The following OR2L5 variants were observed in gnomAD, a reference collection of about 807,000 sequenced individuals.
OR2L5 encodes the protein olfactory receptor 2L5.
For missense variants in OR2L5, 413 were observed against 381.6 expected, an observed-to-expected ratio of 1.08 and a Z score of -0.69; for synonymous variants, 169 against 142.0, an observed-to-expected ratio of 1.19 and a Z score of -1.35.
chr1:248,020,408 C>A (rs1662308086), intron 1 of OR2L5, among the ~76,000 whole-genome samples: 1 of 152,136 alleles, frequency 6.6e-6, no homozygotes, highest in Admixed American at 6.5e-5. Flanking sequence ...TTACATAAAT[C>A]AGCAGTTCTA....
At position 248,018,167 on chromosome 1, in the gene OR2L5, A is replaced by C. The variant is rs551506021; in HGVS notation, c.-21-3760A>C. Among the ~76,000 whole-genome samples, 109 of 151,068 alleles carry C rather than the reference A, an allele frequency of 7.2e-4. 1 individual carries two copies. Among genetic ancestry groups the C allele is most frequent in the African/African-American group, 2.6e-3 (107 of 40,446 alleles). On this transcript the variant is annotated intron_variant, in intron 1 of 1. Transcript: ENST00000355281. The stretch of plus-strand genomic sequence containing the variant: ...GACTCCATCTCAAAAAAATAAAAAA[A>C]AAAATTCGTTATTTTTCTTTTTTAA...
At chr1:248,015,415 T>A (rs536185504) in intron 1 of OR2L5, among the ~76,000 whole-genome samples, 2 of 152,236 alleles carry the variant, frequency 1.3e-5, no homozygotes, top group African/African-American at 4.8e-5. Flanking sequence ...ACAAGTGTTG[T>A]CAATGTGAAA....
rs1279833425 is a variant in OR2L5 at position 248,022,744 on chromosome 1, C to A, written c.797C>A (p.Ser266Tyr). 7 of 1,614,036 alleles carry A rather than the reference C, an allele frequency of 4.3e-6. No individual in the cohort carries two copies. The highest frequency in any genetic ancestry group is 5.1e-6 in the Non-Finnish European group (6 of 1,180,030). ...YTYLCPRSLR[S>Y]LTEDKVLAVF... Reference sequence around the variant, plus strand: ...TATCTATGTCCAAGATCCCTGCGATCTCTGACAGAGGACAAGGTTCTGGCT... The same window carrying A: ...TATCTATGTCCAAGATCCCTGCGATATCTGACAGAGGACAAGGTTCTGGCT... The change falls in exon 2 of 2, where the codon TCT (serine) becomes TAT (tyrosine). Residue 266 changes from serine (S) to tyrosine (Y), a missense_variant. By Grantham distance (144) the Ser-to-Tyr change is moderately radical. Coordinates refer to ENST00000355281, the MANE Select transcript of OR2L5 (RefSeq NM_001258284.2).
chr1:248,017,524 A>T (rs1662227114), intron 1 of OR2L5, among the ~76,000 whole-genome samples: 1 of 152,184 alleles, frequency 6.6e-6, no homozygotes, highest in South Asian at 2.1e-4. Context: ...GTAGAAAGAG[A>T]CTTTTTCTTC....
At chr1:248,017,438 G>T (rs371430008) in intron 1 of OR2L5, among the ~76,000 whole-genome samples, 1 of 152,168 alleles carries the variant, frequency 6.6e-6, no homozygotes, top group Admixed American at 6.5e-5. Context: ...TGGTGTTCAA[G>T]AGATATCGTA....
Position 248,022,736 on chromosome 1 carries a change from C to T in OR2L5, c.789C>T (p.Ser263=), listed in dbSNP as rs544402086. 10 of 1,614,102 alleles carry T rather than the reference C, an allele frequency of 6.2e-6. No homozygotes were observed. In the African/African-American group the frequency reaches 6.7e-5, roughly 11 times the overall value. ...PFAYTYLCPR[S]LRSLTEDKVL... ...CTTATACCTATCTATGTCCAAGATC[C>T]CTGCGATCTCTGACAGAGGACAAGG... is the stretch of plus-strand genomic sequence containing the variant. The change falls in exon 2 of 2, where the codon TCC becomes TCT. Residue 263 remains serine, a synonymous_variant. Coordinates refer to ENST00000355281, the MANE Select transcript of OR2L5 (RefSeq NM_001258284.2).
At chr1:248,019,812 G>A (rs1171216943) in intron 1 of OR2L5, among the ~76,000 whole-genome samples, 2 of 151,054 alleles carry the variant, frequency 1.3e-5, no homozygotes, top group South Asian at 2.1e-4. Flanking sequence ...TTTGAGACAC[G>A]GTCTCACTCT....
intron 1 of OR2L5, among the ~76,000 whole-genome samples, chr1:248,018,983 A>G (rs1662273363): frequency 6.6e-6 from 1 of 152,116 alleles, no homozygotes; most frequent in Non-Finnish European, 1.5e-5. Context: ...AATTTATTTC[A>G]TGATTAAAAT....
At position 248,022,004 on chromosome 1, in the gene OR2L5, A is replaced by G. The variant is rs1187516498; in HGVS notation, c.57A>G (p.Pro19=). ...TDFILLGLFP[P]SKIGLFLFIL... is the part of the protein sequence containing the mutation. ...TCATCTTATTGGGGCTGTTCCCACC[A>G]TCAAAAATTGGCCTTTTCCTCTTCA... Residue 19 remains proline, a synonymous_variant, in exon 2 of 2, where the codon CCA becomes CCG. Coordinates refer to ENST00000355281, the MANE Select transcript of OR2L5 (RefSeq NM_001258284.2). 1.2e-6 allele frequency: 2 copies of G among 1,613,842 alleles called. No individual in the cohort carries two copies. The highest frequency in any genetic ancestry group is 4.5e-5 in the East Asian group (2 of 44,888).
intron 1 of OR2L5, among the ~76,000 whole-genome samples, chr1:248,019,604 A>G (rs1662288098): frequency 6.6e-6 from 1 of 152,168 alleles, no homozygotes; most frequent in African/African-American, 2.4e-5. Context: ...AGTTTTTCAA[A>G]CACTGTTTAT....
At chr1:248,021,323 A>G (rs1199424405) in intron 1 of OR2L5, among the ~76,000 whole-genome samples, 2 of 152,184 alleles carry the variant, frequency 1.3e-5, no homozygotes, top group Non-Finnish European at 2.9e-5. Context: ...GTCATCTAAG[A>G]GTTATAAAGT....
intron 1 of OR2L5, among the ~76,000 whole-genome samples, chr1:248,017,061 C>T (rs1662216973): frequency 6.6e-6 from 1 of 152,116 alleles, no homozygotes; most frequent in South Asian, 2.1e-4. Context: ...TTTGCTTTTC[C>T]TAATCGCTGT....
chr1:248,021,090 T>A (rs1241185748), intron 1 of OR2L5, among the ~76,000 whole-genome samples: 2 of 152,090 alleles, frequency 1.3e-5, no homozygotes, highest in African/African-American at 4.8e-5. Flanking sequence ...ATATATGCAT[T>A]TAACTTTTCC....
In OR2L5 at chr1:248,017,389, T is replaced by C. The variant is rs149665152; in HGVS notation, c.-22+3651T>C. On this transcript the variant is annotated intron_variant, in intron 1 of 1. Transcript: ENST00000355281. Reference sequence around the variant, plus strand: ...TTTAAATAATGTTATATGGTAGAATTAGAACCCTGAAACATGAATAATCAA... The same window carrying C: ...TTTAAATAATGTTATATGGTAGAATCAGAACCCTGAAACATGAATAATCAA... 4.9e-3 allele frequency among the ~76,000 whole-genome samples: 748 copies of C among 152,290 alleles called. 7 individuals are homozygous for C. Among genetic ancestry groups the C allele is most frequent in the African/African-American group, 0.016 (683 of 41,566 alleles).
rs1325030849 is a variant in OR2L5, at chr1:248,022,557, A to G, written c.610A>G (p.Ile204Val). 6 of 1,614,058 alleles carry G rather than the reference A, an allele frequency of 3.7e-6. No individual in the cohort carries two copies. The African/African-American group carries it at 6.7e-5, about 18-fold the overall frequency. The change falls in exon 2 of 2, where the codon ATC (isoleucine) becomes GTC (valine). Residue 204 changes from isoleucine (I) to valine (V), a missense_variant. By Grantham distance (29) the Ile-to-Val change is conservative. Coordinates refer to ENST00000355281, the MANE Select transcript of OR2L5 (RefSeq NM_001258284.2). ...YEYTVFLSST[I>V]FLVFPFTGIA... is the part of the protein sequence containing the mutation. Reference sequence around the variant, plus strand: ...GTACACAGTGTTTTTGAGCAGCACCATCTTTCTTGTGTTTCCCTTCACTGG... The same window carrying G: ...GTACACAGTGTTTTTGAGCAGCACCGTCTTTCTTGTGTTTCCCTTCACTGG...
Position 248,024,176 on chromosome 1 carries a change from A to G in OR2L5, c.*1290A>G, listed in dbSNP as rs770397817. The G allele has an allele frequency of 1.7e-4, 26 of 152,164 alleles. No homozygotes were observed. The highest frequency in any genetic ancestry group is 3.8e-4 in the Non-Finnish European group (26 of 68,028). 9.4% of individuals were successfully genotyped at this position (152,164 alleles called of 1,614,324 possible). A position where few individuals can be genotyped will look rare whatever the true frequency, so the allele number is the denominator to read the frequency against. ...CCGTCATCTAAGTTTTAAGCCCCAT[A>G]TGCTTTAGGTATTTGTCCTAATGCT... On this transcript the variant is annotated 3_prime_UTR_variant, in exon 2 of 2. Coordinates refer to ENST00000355281, the MANE Select transcript of OR2L5 (RefSeq NM_001258284.2).
intron 1 of OR2L5, among the ~76,000 whole-genome samples, chr1:248,014,471 ATATT>A (rs1208200709): frequency 1.3e-5 from 2 of 152,086 alleles, no homozygotes; most frequent in Admixed American, 6.6e-5. Context: ...ATTTTGCAAT[ATATT>A]TATTTTTTTC....
chr1:248,022,520 C>T lies in OR2L5; in HGVS notation c.573C>T (p.Thr191=), dbSNP rs1662366247. The change falls in exon 2 of 2, where the codon ACC becomes ACT. Residue 191 remains threonine (T), a synonymous_variant. Coordinates refer to ENST00000355281, the MANE Select transcript of OR2L5 (RefSeq NM_001258284.2). ...PAMLTLACTD[T]WVYEYTVFLS... ...TGTTGACATTAGCCTGTACAGACAC[C>T]TGGGTCTATGAGTACACAGTGTTTT... The T allele has an allele frequency of 6.2e-7, 1 of 1,614,016 alleles. No individual in the cohort carries two copies. The highest frequency in any genetic ancestry group is 1.3e-5 in the African/African-American group (1 of 74,916).
intron 1 of OR2L5, 134 bp downstream of exon 1, chr1:248,013,872 A>C (rs902090505): frequency 4.7e-4 from 71 of 152,304 alleles, no homozygotes; most frequent in African/African-American, 1.4e-3. Context: ...TCTGTTAAGA[A>C]AATTCAGCAG....
Sources: gnomAD v4.1 joint callset for allele counts (sites outside exome capture counted in the v4.1 genomes callset) on GRCh38, gnomAD v4.1.1 for gene constraint, MANE v1.5 for transcripts, NCBI Gene and HGNC (gene_info 2026-07-23, HGNC 2026-07-21) for gene names.